Variants in MYT1L observed in about 807,000 individuals in gnomAD.
MYT1L encodes myelin transcription factor 1 like, also known as myelin transcription factor 1-like protein.
A neutral mutation model predicts 126.7 loss-of-function variants in MYT1L; 12 were observed. The observed-to-expected ratio is 0.09, with a 90% CI of 0.06 to 0.15. MYT1L has a LOEUF of 0.15. Ranked by LOEUF, MYT1L falls within the 10% of genes least tolerant of loss-of-function variation. The pLI is 1.00. For synonymous variants in MYT1L, 541 were observed against 604.2 expected, an observed-to-expected ratio of 0.90 and a Z score of 1.53; for missense variants, 979 against 1,585.2, an observed-to-expected ratio of 0.62 and a Z score of 6.49.
intron 10 of MYT1L, among the ~76,000 whole-genome samples, chr2:1,921,604 C>T (rs1456174704): frequency 6.6e-6 from 1 of 152,128 alleles, no homozygotes; most frequent in Admixed American, 6.5e-5. Flanking sequence ...ACTGTTTCCA[C>T]AATGGAATGG....
Position 1,790,484 on chromosome 2 carries a change from A to G in MYT1L, c.*1383T>C, listed in dbSNP as rs561961242. The stretch of plus-strand genomic sequence containing the variant: ...GGAAGGTATAAACAAGTCTAAGATG[A>G]TCTAGTTTAAAGCAAAAAAGTGCTG... On this transcript the variant is annotated 3_prime_UTR_variant, in exon 25 of 25. Transcript: ENST00000647738. 1 of 152,378 alleles carries G rather than the reference A, an allele frequency of 6.6e-6. No homozygotes were observed. Among genetic ancestry groups the G allele is most frequent in the South Asian group, 2.1e-4 (1 of 4,824 alleles). 9.4% of individuals were successfully genotyped at this position (152,378 alleles called of 1,614,324 possible). A position where few individuals can be genotyped will look rare whatever the true frequency, so the allele number is the denominator to read the frequency against.
intron 4 of MYT1L, among the ~76,000 whole-genome samples, chr2:2,023,728 T>C (rs1178731403): frequency 1.3e-5 from 2 of 152,132 alleles, no homozygotes; most frequent in African/African-American, 4.8e-5. Context: ...AATTCTTCTC[T>C]TTCTCAGGGA....
intron 4 of MYT1L, among the ~76,000 whole-genome samples, chr2:2,012,088 C>T (rs776792827): frequency 6.6e-6 from 1 of 152,164 alleles, no homozygotes; most frequent in African/African-American, 2.4e-5. Context: ...CCTAAAGAAG[C>T]ATTAAGAACA....
At chr2:2,106,582 C>T (rs1301945916) in intron 3 of MYT1L, among the ~76,000 whole-genome samples, 1 of 152,106 alleles carries the variant, frequency 6.6e-6, no homozygotes, top group Non-Finnish European at 1.5e-5. Flanking sequence ...CATGCCACTG[C>T]ACTCCAGCCT....
intron 4 of MYT1L, among the ~76,000 whole-genome samples, chr2:2,003,054 C>T (rs1319730882): frequency 6.6e-6 from 1 of 152,054 alleles, no homozygotes; most frequent in African/African-American, 2.4e-5. Flanking sequence ...ACTAATATAC[C>T]TTGGGAATTG....
intron 2 of MYT1L, among the ~76,000 whole-genome samples, chr2:2,213,807 C>T (rs1320815909): frequency 6.6e-6 from 1 of 151,992 alleles, no homozygotes; most frequent in Admixed American, 6.6e-5. Flanking sequence ...TTTACAATGT[C>T]TGGGATTACA....
At chr2:2,152,870 G>A (rs2086044853) in intron 3 of MYT1L, among the ~76,000 whole-genome samples, 1 of 152,146 alleles carries the variant, frequency 6.6e-6, no homozygotes, top group Non-Finnish European at 1.5e-5. Context: ...GAATGTCAGG[G>A]CTGGTGAGGG....
At chr2:1,825,040 T>C (rs1364860836) in intron 21 of MYT1L, 1 of 152,300 alleles carries the variant, frequency 6.6e-6, no homozygotes, top group Non-Finnish European at 1.5e-5. Context: ...AGTAAGGGGT[T>C]TGGATGCCTG....
intron 3 of MYT1L, among the ~76,000 whole-genome samples, chr2:2,157,937 C>T (rs13033747): frequency 0.012 from 1,750 of 152,166 alleles, 12 homozygotes; most frequent in African/African-American, 0.019. Flanking sequence ...GTGGAGGCCT[C>T]GCACCAGAGA....
At chr2:2,177,977 G>A (rs1415153631) in intron 2 of MYT1L, among the ~76,000 whole-genome samples, 2 of 152,156 alleles carry the variant, frequency 1.3e-5, no homozygotes, top group East Asian at 3.9e-4. Flanking sequence ...GGAGACAGGA[G>A]TAGGGTTGTG....
chr2:1,859,826 C>T (rs1362469706), intron 18 of MYT1L, among the ~76,000 whole-genome samples: 1 of 152,238 alleles, frequency 6.6e-6, no homozygotes, highest in Non-Finnish European at 1.5e-5. Context: ...CATGCTGCCC[C>T]AGCGTTGGGG....
At chr2:2,004,983 C>G (rs1393527790) in intron 4 of MYT1L, among the ~76,000 whole-genome samples, 4 of 147,188 alleles carry the variant, frequency 2.7e-5, no homozygotes. Context: ...TGCCTTCTTT[C>G]CTGCAGGCGT....
chr2:2,011,988 G>A (rs2063871419), intron 4 of MYT1L, among the ~76,000 whole-genome samples: 1 of 152,316 alleles, frequency 6.6e-6, no homozygotes, highest in African/African-American at 2.4e-5. Context: ...TGGTGAGAAT[G>A]TCAATGGTGC....
intron 21 of MYT1L, among the ~76,000 whole-genome samples, chr2:1,814,698 T>C (rs2037353568): frequency 1.3e-5 from 2 of 152,314 alleles, no homozygotes; most frequent in South Asian, 2.1e-4. Context: ...AAAGATCTGC[T>C]CAGTTAAGTT....
At chr2:2,167,468 C>T (rs116011440) in intron 3 of MYT1L, among the ~76,000 whole-genome samples, 2,049 of 152,296 alleles carry the variant, frequency 0.013, 49 homozygotes, top group African/African-American at 0.046. Flanking sequence ...CCTCCAGGCA[C>T]TGGCGTTAGC....
chr2:1,831,631 G>A (rs907617357), intron 21 of MYT1L, among the ~76,000 whole-genome samples: 10 of 152,156 alleles, frequency 6.6e-5, no homozygotes, highest in Non-Finnish European at 1.5e-4. Context: ...CACGGCCAAT[G>A]CCCCAAATGA....
intron 8 of MYT1L, among the ~76,000 whole-genome samples, chr2:1,975,325 A>G (rs534380994): frequency 1.7e-3 from 255 of 150,198 alleles, no homozygotes; most frequent in Non-Finnish European, 3.2e-3. Context: ...AGGGTGACGT[A>G]TGGCCCCCAG....
intron 8 of MYT1L, among the ~76,000 whole-genome samples, chr2:1,956,191 G>GTCTGTCTATCTA (rs1553354694): frequency 0.077 from 11,185 of 145,886 alleles, 778 homozygotes; most frequent in African/African-American, 0.12. Flanking sequence ...TTACCTAGCT[G>GTCTGTCTATCTA]TCTATCTATC....
chr2:2,044,473 CA>C (rs2067926941), intron 4 of MYT1L, among the ~76,000 whole-genome samples: 1 of 152,158 alleles, frequency 6.6e-6, no homozygotes, highest in Non-Finnish European at 1.5e-5. Flanking sequence ...GATCGTGGTA[CA>C]ATGGGACAAG....
Sources: allele counts gnomAD v4.1 joint callset (sites outside exome capture counted in the v4.1 genomes callset), GRCh38; gene constraint gnomAD v4.1.1; transcripts MANE v1.5; gene names NCBI Gene and HGNC (gene_info 2026-07-23, HGNC 2026-07-21).